Variants in MAOB observed in about 807,000 individuals in gnomAD.
MAOB encodes monoamine oxidase B.
MAOB carries 15 observed loss-of-function variants against 41.9 expected under a neutral mutation model. The observed-to-expected ratio is 0.36, with a 90% CI of 0.24 to 0.55. The LOEUF (loss-of-function observed/expected upper bound fraction) is 0.55, where lower values mean the gene tolerates loss of function less well. Among genes scored for constraint, MAOB ranks in the 20% least tolerant of loss-of-function variants. The probability of loss-of-function intolerance (pLI) is 0.86; values close to 1 mark genes in which losing one functional copy is unlikely to be tolerated. For synonymous variants in MAOB, 167 were observed against 144.2 expected (o/e 1.16, Z -1.13); for missense variants, 345 against 398.7 (o/e 0.87, Z 1.15).
At chrX:43,839,170 G>A (rs1214436802) in intron 2 of MAOB, among the ~76,000 whole-genome samples, 165 bp from the exon 3 acceptor site, 1 of 112,352 alleles carries the variant, frequency 8.9e-6, no homozygotes, top group Non-Finnish European at 1.9e-5. Context: ...TCATTCACAT[G>A]ACTTAGTTAT....
rs187489233 is a variant in MAOB at position 43,780,259 on chromosome X, G to A, written c.1079+83C>T. 9.3e-4 allele frequency: 744 copies of A among 803,510 alleles called. 2 individuals carry two copies. The highest frequency in any genetic ancestry group is 7.9e-3 in the African/African-American group (369 of 46,909). The allele number at this position is 803,510 out of a possible 1,213,427, so 66.2% of individuals were successfully genotyped here. A position where few individuals can be genotyped will look rare whatever the true frequency, so the allele number is the denominator to read the frequency against. On this transcript the variant is annotated intron_variant, in intron 10 of 14. Coordinates refer to ENST00000378069, the MANE Select transcript of MAOB (RefSeq NM_000898.5). The stretch of plus-strand genomic sequence containing the variant: ...AGGCAGGCAAGTAGGTAGAAAAGAA[G>A]GAAAGAAAGAGAAAAGGGAGGGAGG...
chrX:43,769,201 ATGGGGGTTAC>A, intron 13 of MAOB, 96 bp downstream of exon 13: 1 of 1,034,371 alleles, frequency 9.7e-7, no homozygotes, highest in Admixed American at 4.5e-5. Context: ...GGGTCTTAAG[ATGGGGGTTAC>A]TGGAGAGTTG....
intron 7 of MAOB, 97 bp from the exon 8 acceptor site, chrX:43,793,675 C>T: frequency 1.3e-6 from 1 of 745,597 alleles, no homozygotes; most frequent in Non-Finnish European, 2.0e-6. Flanking sequence ...TCTTTTCAGT[C>T]TCTTAAAGAA....
intron 5 of MAOB, among the ~76,000 whole-genome samples, chrX:43,797,987 C>A (rs917821371): frequency 8.9e-6 from 1 of 112,187 alleles, no homozygotes; most frequent in Non-Finnish European, 1.9e-5. Context: ...TTTTCTGTCT[C>A]ATCTTGTACC....
chrX:43,827,661 G>C (rs2147155500), intron 3 of MAOB, among the ~76,000 whole-genome samples: 1 of 111,127 alleles, frequency 9.0e-6, no homozygotes, highest in South Asian at 3.9e-4. Context: ...CCCTTTCCAT[G>C]GGAAGACTAT....
intron 2 of MAOB, among the ~76,000 whole-genome samples, chrX:43,839,449 T>C (rs113015606): frequency 1.8e-3 from 203 of 112,433 alleles, no homozygotes; most frequent in African/African-American, 5.8e-3. Flanking sequence ...TTGGTCATAA[T>C]TTGGACTTTG....
intron 2 of MAOB, among the ~76,000 whole-genome samples, chrX:43,842,690 T>C (rs1381520865): frequency 8.9e-6 from 1 of 112,156 alleles, no homozygotes; most frequent in African/African-American, 3.2e-5. Flanking sequence ...CATCAGTGGA[T>C]AAATGGATGA....
At chrX:43,848,174 GA>G (rs1379049898) in intron 1 of MAOB, among the ~76,000 whole-genome samples, 1 of 111,572 alleles carries the variant, frequency 9.0e-6, no homozygotes, top group Non-Finnish European at 1.9e-5. Context: ...CAGTAACACA[GA>G]AGTGCCCTCT....
chrX:43,771,887 T>G (rs1468473886), intron 12 of MAOB, among the ~76,000 whole-genome samples: 3 of 111,858 alleles, frequency 2.7e-5, no homozygotes, highest in Non-Finnish European at 3.8e-5. Flanking sequence ...CCCCTTCTTT[T>G]GCAGGTGCGT....
At chrX:43,857,170 G>GA (rs2035303784) in intron 1 of MAOB, among the ~76,000 whole-genome samples, 5 of 65,619 alleles carry the variant, frequency 7.6e-5, no homozygotes, top group South Asian at 9.2e-4. Context: ...GAGAGAAGAA[G>GA]AGAGAGAGAG....
chrX:43,873,339 A>G (rs2035419611), intron 1 of MAOB, among the ~76,000 whole-genome samples: 1 of 111,404 alleles, frequency 9.0e-6, no homozygotes, highest in African/African-American at 3.3e-5. Flanking sequence ...AATGTTGGAG[A>G]GGTTAAGCAA....
chrX:43,785,262 C>T (rs1013585584), intron 8 of MAOB, among the ~76,000 whole-genome samples: 1 of 113,044 alleles, frequency 8.8e-6, no homozygotes, highest in Non-Finnish European at 1.9e-5. Context: ...TGCTGCTTCA[C>T]CTTGCACTTT....
chrX:43,796,351 G>T (rs1271718871), intron 6 of MAOB, among the ~76,000 whole-genome samples: 1 of 111,285 alleles, frequency 9.0e-6, no homozygotes. Context: ...CCTACTCCCT[G>T]TTGCAGGCTG....
At position 43,810,100 on chromosome X, in the gene MAOB, G is replaced by A. The variant is rs771875667; in HGVS notation, c.280-6696C>T. ...CTACTAAAAATACAAAAAATTAGCC[G>A]GGCGTGGTGGCGGGCGCCTGTAGTC... On this transcript the variant is annotated intron_variant, in intron 3 of 14. Transcript: ENST00000378069. Among the ~76,000 whole-genome samples the A allele has an allele frequency of 6.1e-4, 62 of 101,413 alleles. 2 individuals are homozygous for A. Among genetic ancestry groups the A allele is most frequent in the African/African-American group, 2.2e-3 (57 of 25,382 alleles). The allele number at this position is 101,413 out of a possible 115,157, so 88.1% of individuals were successfully genotyped here.
chrX:43,805,818 G>A (rs1181057003), intron 3 of MAOB, among the ~76,000 whole-genome samples: 1 of 111,776 alleles, frequency 8.9e-6, no homozygotes, highest in East Asian at 2.8e-4. Flanking sequence ...CACACAGTGG[G>A]TGTATGTTTA....
At chrX:43,831,860 C>T (rs1490243975) in intron 3 of MAOB, among the ~76,000 whole-genome samples, 1 of 111,395 alleles carries the variant, frequency 9.0e-6, no homozygotes, top group African/African-American at 3.3e-5. Flanking sequence ...AAGATTTAAG[C>T]AGCTGTTACC....
intron 7 of MAOB, 115 bp downstream of exon 7, chrX:43,795,624 G>A (rs2034518020): frequency 1.6e-6 from 1 of 617,391 alleles, no homozygotes; most frequent in African/African-American, 2.2e-5. Flanking sequence ...GGGGCTGCCA[G>A]CCATCAATCA....
intron 1 of MAOB, among the ~76,000 whole-genome samples, chrX:43,860,760 A>C (rs1318267690): frequency 3.6e-5 from 4 of 110,651 alleles, no homozygotes; most frequent in Non-Finnish European, 7.6e-5. Context: ...GCCCCATATG[A>C]CCTCACTCTT....
At chrX:43,855,938 G>A (rs2239441) in intron 1 of MAOB, among the ~76,000 whole-genome samples, 8,036 of 110,990 alleles carry the variant, frequency 0.072, 554 homozygotes, top group African/African-American at 0.22. Flanking sequence ...GCCTAAATCT[G>A]AAGAGACAAA....
Sources: allele counts gnomAD v4.1 joint callset (sites outside exome capture counted in the v4.1 genomes callset), GRCh38; gene constraint gnomAD v4.1.1; transcripts MANE v1.5; gene names NCBI Gene and HGNC (gene_info 2026-07-23, HGNC 2026-07-21).